TENM3: variants seen among roughly 807,000 people sequenced by gnomAD.
TENM3 encodes teneurin-3.
Under a neutral mutation model 255.1 loss-of-function variants are expected in TENM3, and 63 were observed. The observed-to-expected ratio is 0.25, with a 90% CI of 0.20 to 0.30. TENM3 has a LOEUF of 0.30. TENM3 is among the 10% of genes least tolerant of loss of function. The probability of loss-of-function intolerance (pLI) is 1.00; values close to 1 mark genes in which losing one functional copy is unlikely to be tolerated. For synonymous variants in TENM3, 1,306 were observed against 1,322.3 expected, an observed-to-expected ratio of 0.99 and a Z score of 0.27; for missense variants, 2,929 against 3,461.1, an observed-to-expected ratio of 0.85 and a Z score of 3.86.
intron 7 of TENM3, among the ~76,000 whole-genome samples, chr4:182,676,933 A>G (rs1755711037): frequency 1.3e-5 from 2 of 152,328 alleles, no homozygotes; most frequent in Non-Finnish European, 2.9e-5. Flanking sequence ...GGACTAGTGC[A>G]ATTGAAGAGT....
intron 4 of TENM3, among the ~76,000 whole-genome samples, chr4:182,624,485 T>C (rs1397910250): frequency 6.6e-6 from 1 of 152,008 alleles, no homozygotes; most frequent in East Asian, 1.9e-4. Context: ...TTCCTTGGAG[T>C]CTTGCCACTT....
chr4:182,778,503 G>C (rs1764877251), intron 24 of TENM3, among the ~76,000 whole-genome samples: 1 of 152,070 alleles, frequency 6.6e-6, no homozygotes, highest in African/African-American at 2.4e-5. Flanking sequence ...GCTCTACCAG[G>C]GACAAAAGAG....
the TENM3 span, among the ~76,000 whole-genome samples, chr4:181,540,953 A>G: frequency 6.6e-6 from 1 of 152,192 alleles, no homozygotes; most frequent in Non-Finnish European, 1.5e-5. Context: ...GGGGAAGCTG[A>G]ATGTGGGAAT....
At chr4:182,629,479 T>C (rs1400101670) in intron 5 of TENM3, among the ~76,000 whole-genome samples, 6 of 152,174 alleles carry the variant, frequency 3.9e-5, no homozygotes, top group Admixed American at 3.9e-4. Flanking sequence ...ACCCAAATAA[T>C]GGAAGCTACT....
the TENM3 span, among the ~76,000 whole-genome samples, chr4:181,805,167 G>T: frequency 3.9e-5 from 6 of 152,116 alleles, no homozygotes; most frequent in African/African-American, 9.7e-5. Flanking sequence ...CCAAGAAAAA[G>T]CTTCAACAAC....
At chr4:182,797,347 G>A (rs749097943) in intron 27 of TENM3, among the ~76,000 whole-genome samples, 1 of 151,978 alleles carries the variant, frequency 6.6e-6, no homozygotes, top group Non-Finnish European at 1.5e-5. Context: ...GCTGAGGCAG[G>A]AGAATCACTT....
chr4:181,951,077 G>A, the TENM3 span, among the ~76,000 whole-genome samples: 2 of 151,988 alleles, frequency 1.3e-5, no homozygotes, highest in Admixed American at 1.3e-4. Flanking sequence ...AACAAATAAA[G>A]AAGATACAGC....
the TENM3 span, among the ~76,000 whole-genome samples, chr4:182,123,175 T>C: frequency 6.6e-6 from 1 of 152,196 alleles, no homozygotes; most frequent in African/African-American, 2.4e-5. Context: ...TTGTTGTTTG[T>C]TTTTTGTTTG....
At chr4:181,495,323 A>G in the TENM3 span, among the ~76,000 whole-genome samples, 2 of 152,186 alleles carry the variant, frequency 1.3e-5, no homozygotes, top group African/African-American at 2.4e-5. Flanking sequence ...ATCAGGGACA[A>G]TGCCTACAAC....
At position 182,793,767 on chromosome 4, in the gene TENM3, A is replaced by G; in HGVS notation, c.7095A>G (p.Thr2365=). 6.2e-7 allele frequency: 1 copy of G among 1,614,016 alleles called. No homozygotes were observed. Among genetic ancestry groups the G allele is most frequent in the Non-Finnish European group, 8.5e-7 (1 of 1,179,876 alleles). ...ATGACATTTTGGCAGGACGGTGGAC[A>G]ACACCTGACATAGAAATCTGGAAAA... ...RDYDILAGRW[T]TPDIEIWKRI... is the part of the protein sequence containing the mutation. The change falls in exon 26 of 28, where the codon ACA becomes ACG. Residue 2365 remains threonine (T), a synonymous_variant. Coordinates refer to ENST00000511685, the MANE Select transcript of TENM3 (RefSeq NM_001080477.4). The surrounding 1 kb of genome is among the most constrained non-coding windows in gnomAD (Gnocchi z 5.7).
At chr4:181,692,411 A>T in the TENM3 span, among the ~76,000 whole-genome samples, 1 of 152,202 alleles carries the variant, frequency 6.6e-6, no homozygotes, top group East Asian at 1.9e-4. Flanking sequence ...TAGGATTTTA[A>T]ATTGTAGTCT....
the TENM3 span, among the ~76,000 whole-genome samples, chr4:181,674,144 T>C: frequency 1.1e-4 from 17 of 152,126 alleles, no homozygotes; most frequent in South Asian, 1.2e-3. Context: ...TACAGGCACA[T>C]GGCATCACAC....
chr4:181,763,165 G>T, the TENM3 span, among the ~76,000 whole-genome samples: 17 of 152,246 alleles, frequency 1.1e-4, 1 homozygote, highest in African/African-American at 2.6e-4. Flanking sequence ...ACTGTGGAGA[G>T]CTAAACTACC....
intron 1 of TENM3, among the ~76,000 whole-genome samples, chr4:182,304,925 C>T (rs1466465401): frequency 6.6e-6 from 1 of 152,108 alleles, no homozygotes; most frequent in Non-Finnish European, 1.5e-5. Flanking sequence ...TTCAGTCTGT[C>T]GAGGGGTTTT....
At chr4:182,388,418 G>A (rs978909595) in intron 3 of TENM3, among the ~76,000 whole-genome samples, 1 of 152,190 alleles carries the variant, frequency 6.6e-6, no homozygotes, top group South Asian at 2.1e-4. Flanking sequence ...GCACTAAGCT[G>A]TGTTACATCT....
At chr4:182,230,872 C>A (rs1322370821) in intron 1 of TENM3, among the ~76,000 whole-genome samples, 2 of 118,542 alleles carry the variant, frequency 1.7e-5, no homozygotes, top group African/African-American at 6.6e-5. Context: ...CTTCTACCTC[C>A]TGTTCTCCGA....
chr4:181,468,170 C>A, the TENM3 span, among the ~76,000 whole-genome samples: 4 of 151,038 alleles, frequency 2.6e-5, no homozygotes, highest in Non-Finnish European at 5.9e-5. Context: ...CGCATGCCTG[C>A]GGTTCCAGCT....
At chr4:182,217,815 G>C (rs1469953864) in intron 1 of TENM3, among the ~76,000 whole-genome samples, 1 of 151,830 alleles carries the variant, frequency 6.6e-6, no homozygotes, top group East Asian at 1.9e-4. Context: ...ATATCTTTGG[G>C]GCAGAAAAAC....
the TENM3 span, among the ~76,000 whole-genome samples, chr4:181,979,324 G>A: frequency 6.6e-6 from 1 of 151,010 alleles, no homozygotes; most frequent in African/African-American, 2.4e-5. Flanking sequence ...CATGGATAAA[G>A]CCTCCCGTTT....
Sources: gnomAD v4.1 joint callset for allele counts (sites outside exome capture counted in the v4.1 genomes callset) on GRCh38, gnomAD v4.1.1 for gene constraint, Gnocchi (gnomAD v3.1) non-coding constraint, MANE v1.5 for transcripts, NCBI Gene and HGNC (gene_info 2026-07-23, HGNC 2026-07-21) for gene names.